Variants in SAMD5 observed in about 807,000 individuals in gnomAD.
SAMD5 encodes the protein sterile alpha motif domain-containing protein 5.
SAMD5 carries 13 observed loss-of-function variants against 11.3 expected under a neutral mutation model. That is an observed-to-expected ratio of 1.15 (90% confidence interval 0.75 to 1.83). The LOEUF is 1.83. Among genes scored for constraint, SAMD5 ranks in the 40% most tolerant of loss-of-function variants. The pLI, the probability that SAMD5 is intolerant of heterozygous loss-of-function variation, is 0.00. For missense variants in SAMD5, 255 were observed against 239.1 expected (o/e 1.07, Z -0.44); for synonymous variants, 129 against 111.3 (o/e 1.16, Z -1.00).
chr6:147,603,239 A>G (rs1259277744), intron 1 of SAMD5, among the ~76,000 whole-genome samples: 1 of 152,170 alleles, frequency 6.6e-6, no homozygotes, highest in East Asian at 1.9e-4. Flanking sequence ...TATTAATAAA[A>G]CAGTCTATTG....
rs150903740 is a variant in SAMD5 at position 147,704,862 on chromosome 6, C to G, written c.163-32455C>G. Among the ~76,000 whole-genome samples, 522 of 152,276 alleles carry G rather than the reference C, an allele frequency of 3.4e-3. 2 individuals are homozygous for G. The highest frequency in any genetic ancestry group is 0.012 in the African/African-American group (499 of 41,568). On this transcript the variant is annotated intron_variant, in intron 1 of 1. Coordinates refer to the SAMD5 transcript ENST00000566741. ...AGCTGAGTGAGCTCAGGCCATCTCC[C>G]CGAATCATGTTACCAGTCTGGTTGA...
At position 147,599,284 on chromosome 6, in the gene SAMD5, C is replaced by A. The variant is rs1306167138; in HGVS notation, c.162+89897C>A. Among the ~76,000 whole-genome samples the A allele has an allele frequency of 2.0e-5, 3 of 152,294 alleles. No homozygotes were observed. In the East Asian group the frequency reaches 5.8e-4, roughly 29 times the overall value. On this transcript the variant is annotated intron_variant, in intron 1 of 1. Transcript: ENST00000566741. ...AAAGGCAAGAAGGCAGTAAAAGAGA[C>A]AAACAGGGCTAAGAGCTTTGTATTT... is the stretch of plus-strand genomic sequence containing the variant.
chr6:147,873,101 G>A, the SAMD5 span, among the ~76,000 whole-genome samples: 27 of 152,186 alleles, frequency 1.8e-4, no homozygotes, highest in East Asian at 5.8e-4. Context: ...ATTTAAGGCC[G>A]GGTGCTGTGG....
intron 1 of SAMD5, among the ~76,000 whole-genome samples, chr6:147,630,852 C>T (rs1005353107): frequency 3.3e-5 from 5 of 151,980 alleles, no homozygotes; most frequent in African/African-American, 9.7e-5. Flanking sequence ...AGAGGAGATG[C>T]GTTTTATCCA....
At chr6:147,646,692 A>C (rs997476552) in intron 1 of SAMD5, among the ~76,000 whole-genome samples, 11 of 152,164 alleles carry the variant, frequency 7.2e-5, no homozygotes, top group African/African-American at 2.7e-4. Flanking sequence ...CTTTAGAAAA[A>C]ACTGCATTTC....
the SAMD5 span, among the ~76,000 whole-genome samples, chr6:147,954,663 A>G: frequency 6.7e-6 from 1 of 148,432 alleles, no homozygotes; most frequent in African/African-American, 2.5e-5. Context: ...TTTTTGAGAC[A>G]GAGTCTCGCT....
chr6:147,849,007 G>A, the SAMD5 span, among the ~76,000 whole-genome samples: 28 of 152,268 alleles, frequency 1.8e-4, no homozygotes, highest in African/African-American at 6.0e-4. Context: ...AGTAAAGGCT[G>A]TCACAACTCC....
rs1312789576 is a variant in SAMD5 at position 147,586,053 on chromosome 6, TC to T, written c.162+76667del. ...TTTTAGTTGGGAGCTGAGATAGCAG[TC>T]TTCCTCAAGGATGGCCATTGTAGGG... On this transcript the variant is annotated intron_variant, in intron 1 of 1. Transcript: ENST00000566741. Among the ~76,000 whole-genome samples, 3 of 152,306 alleles carry T rather than the reference TC, an allele frequency of 2.0e-5. No individual in the cohort carries two copies. In the East Asian group the frequency reaches 5.8e-4, roughly 29 times the overall value.
intron 1 of SAMD5, among the ~76,000 whole-genome samples, chr6:147,632,667 A>G (rs1374172785): frequency 2.0e-5 from 3 of 152,218 alleles, no homozygotes; most frequent in Non-Finnish European, 2.9e-5. Context: ...CTTGGGTAAG[A>G]ATTTCGACCA....
At chr6:147,853,774 TATC>T in the SAMD5 span, among the ~76,000 whole-genome samples, 2 of 152,206 alleles carry the variant, frequency 1.3e-5, no homozygotes, top group African/African-American at 4.8e-5. Context: ...TAAAATGCTT[TATC>T]ATCGTTAATG....
chr6:147,944,132 C>T, the SAMD5 span, among the ~76,000 whole-genome samples: 3 of 152,204 alleles, frequency 2.0e-5, no homozygotes, highest in African/African-American at 7.2e-5. Context: ...CCCTCTCTCA[C>T]TCTGTCTCTC....
chr6:147,654,711 C>T (rs537667262), intron 1 of SAMD5, among the ~76,000 whole-genome samples: 1 of 151,490 alleles, frequency 6.6e-6, no homozygotes, highest in Non-Finnish European at 1.5e-5. Context: ...TATTTTTTTT[C>T]TCCATGATTC....
chr6:147,807,577 T>C, the SAMD5 span, among the ~76,000 whole-genome samples: 1 of 152,118 alleles, frequency 6.6e-6, no homozygotes. Context: ...ATCTTTGGTC[T>C]TTTCGCCACA....
intron 1 of SAMD5, among the ~76,000 whole-genome samples, chr6:147,534,313 T>C (rs972923470): frequency 2.6e-5 from 4 of 152,166 alleles, no homozygotes; most frequent in African/African-American, 9.7e-5. Flanking sequence ...GGCACCCTTT[T>C]TGAAGCAAAA....
intron 1 of SAMD5, among the ~76,000 whole-genome samples, chr6:147,561,567 G>A (rs1334048864): frequency 1.3e-5 from 2 of 152,048 alleles, no homozygotes; most frequent in African/African-American, 2.4e-5. Context: ...CGAGAAAGAA[G>A]ACTGTGAACA....
intron 1 of SAMD5, among the ~76,000 whole-genome samples, chr6:147,643,139 G>A (rs759987914): frequency 2.0e-5 from 3 of 152,100 alleles, no homozygotes; most frequent in Admixed American, 6.6e-5. Flanking sequence ...AAATCCTCAC[G>A]TTGAAGGGCA....
At chr6:147,758,688 TC>T in the SAMD5 span, among the ~76,000 whole-genome samples, 2 of 152,096 alleles carry the variant, frequency 1.3e-5, no homozygotes, top group Non-Finnish European at 2.9e-5. Context: ...GCATACCTTC[TC>T]CCCAGTCAAA....
At chr6:147,660,177 G>A (rs929091505) in intron 1 of SAMD5, among the ~76,000 whole-genome samples, 28 of 152,142 alleles carry the variant, frequency 1.8e-4, no homozygotes, top group Non-Finnish European at 2.9e-5. Flanking sequence ...TTTGCAGAAG[G>A]ATGTTCAGGC....
intron 1 of SAMD5, among the ~76,000 whole-genome samples, chr6:147,509,640 C>T (rs748099863): frequency 6.6e-6 from 1 of 152,208 alleles, no homozygotes; most frequent in African/African-American, 2.4e-5. Flanking sequence ...ACTCCGCATC[C>T]TCTCTGGTGC....
Sources: allele counts gnomAD v4.1 joint callset (sites outside exome capture counted in the v4.1 genomes callset), GRCh38; gene constraint gnomAD v4.1.1; transcripts MANE v1.5; gene names NCBI Gene and HGNC (gene_info 2026-07-23, HGNC 2026-07-21).